RTCB: variants seen among roughly 807,000 people sequenced by gnomAD.
RTCB encodes the protein RNA-splicing ligase RTCB.
In RTCB, 32 loss-of-function variants were observed where a neutral mutation model predicts 58.2. The ratio of observed to expected loss-of-function variants is 0.55; its 90% CI spans 0.41 to 0.74. The LOEUF is 0.74. Among genes scored for constraint, RTCB ranks in the 30% least tolerant of loss-of-function variants. The pLI, the probability that RTCB is intolerant of heterozygous loss-of-function variation, is 0.00. For synonymous variants in RTCB, 247 were observed against 218.6 expected (o/e 1.13, Z -1.15); for missense variants, 523 against 639.0 (o/e 0.82, Z 1.96).
intron 1 of RTCB, 67 bp downstream of exon 1, chr22:32,411,997 C>T: frequency 2.4e-6 from 3 of 1,237,414 alleles, no homozygotes; most frequent in Non-Finnish European, 3.5e-6. Context: ...GTCCAGAGGG[C>T]GCAGTGGACG....
chr22:32,399,459 A>G, intron 6 of RTCB, 144 bp downstream of exon 6: 1 of 790,134 alleles, frequency 1.3e-6, no homozygotes, highest in South Asian at 2.0e-5. Flanking sequence ...AATAAAAATG[A>G]AGCATAAACA....
At chr22:32,391,054 G>T (rs1327738496) in intron 11 of RTCB, among the ~76,000 whole-genome samples, 1 of 151,948 alleles carries the variant, frequency 6.6e-6, no homozygotes, top group Non-Finnish European at 1.5e-5. Context: ...TTCCTGCATT[G>T]GCCTCCCAAA....
chr22:32,408,051 T>C (rs1933457668), intron 3 of RTCB, 124 bp downstream of exon 3: 3 of 862,220 alleles, frequency 3.5e-6, no homozygotes, highest in Non-Finnish European at 5.5e-6. Context: ...TGAGCCTGGC[T>C]TCATGGTTAT....
intron 1 of RTCB, among the ~76,000 whole-genome samples, chr22:32,410,395 T>G (rs1240417834): frequency 2.0e-5 from 3 of 152,186 alleles, no homozygotes; most frequent in African/African-American, 7.2e-5. Context: ...CATGTGGGTC[T>G]TGGGGGAGAA....
rs1483521225 is a variant in RTCB at position 32,406,717 on chromosome 22, A to G, written c.285T>C (p.Ala95=). ...TATCAAAGGCTGCCATGTTCCCAATAGCAAACCCATATCCTGAATGGACAT... is the reference window on the plus strand; with the variant it reads ...TATCAAAGGCTGCCATGTTCCCAATGGCAAACCCATATCCTGAATGGACAT... The part of the protein sequence containing the change: ...LPDVHSGYGF[A]IGNMAAFDMN... Residue 95 remains alanine, a synonymous_variant, in exon 4 of 12, where the codon GCT becomes GCC. Transcript: ENST00000216038. 3.7e-6 allele frequency: 6 copies of G among 1,613,002 alleles called. No individual in the cohort carries two copies. Among genetic ancestry groups the G allele is most frequent in the Non-Finnish European group, 5.1e-6 (6 of 1,179,120 alleles).
At chr22:32,404,252 G>A (rs1682207713) in intron 4 of RTCB, among the ~76,000 whole-genome samples, 1 of 152,088 alleles carries the variant, frequency 6.6e-6, no homozygotes, top group South Asian at 2.1e-4. Context: ...TACCATAATG[G>A]CTGTGCCAAT....
At chr22:32,397,620 T>C (rs910087979) in intron 7 of RTCB, among the ~76,000 whole-genome samples, 1 of 152,216 alleles carries the variant, frequency 6.6e-6, no homozygotes, top group Non-Finnish European at 1.5e-5. Context: ...TCTTTACACA[T>C]TTCTTGCTCT....
intron 9 of RTCB, 111 bp from the exon 10 acceptor site, chr22:32,394,113 T>TA: frequency 6.2e-6 from 4 of 640,484 alleles, no homozygotes; most frequent in Non-Finnish European, 7.8e-6. Flanking sequence ...AACCCAGACT[T>TA]CTTTTTTTTT....
At position 32,408,345 on chromosome 22, in the gene RTCB, G is replaced by A. The variant is rs1933463267; in HGVS notation, c.173-103C>T. ...TATAACGTGAAGAGGTAGTCATTAG[G>A]GCTACTAAGACAACAAAGCCTAGAA... On this transcript the variant is annotated intron_variant, in intron 2 of 11. Transcript: ENST00000216038. 4 of 898,878 alleles carry A rather than the reference G, an allele frequency of 4.4e-6. No individual in the cohort carries two copies. In the East Asian group the frequency reaches 7.8e-5, roughly 18 times the overall value. 55.7% of individuals were successfully genotyped at this position (898,878 alleles called of 1,614,324 possible).
intron 11 of RTCB, 26 bp from the exon 12 acceptor site, chr22:32,388,125 T>C: frequency 7.0e-7 from 1 of 1,425,996 alleles, no homozygotes; most frequent in South Asian, 1.2e-5. Flanking sequence ...TTAAACATTG[T>C]ACAAGTCCAC....
At chr22:32,406,928 A>G (rs969561309) in intron 3 of RTCB, among the ~76,000 whole-genome samples, 167 bp from the exon 4 acceptor site, 1 of 152,192 alleles carries the variant, frequency 6.6e-6, no homozygotes, top group Non-Finnish European at 1.5e-5. Flanking sequence ...AAGAACTCCT[A>G]ATCACAAAGC....
At chr22:32,404,470 G>T (rs891309115) in intron 4 of RTCB, among the ~76,000 whole-genome samples, 2 of 152,146 alleles carry the variant, frequency 1.3e-5, no homozygotes, top group African/African-American at 4.8e-5. Context: ...GCAGCGGTGT[G>T]ATCATAGCTC....
At chr22:32,409,371 A>C (rs911666810) in intron 1 of RTCB, among the ~76,000 whole-genome samples, 2 of 152,156 alleles carry the variant, frequency 1.3e-5, no homozygotes, top group South Asian at 4.1e-4. Context: ...AAAATTTAAC[A>C]TGCAGCTACG....
rs546166470 is a variant in RTCB, at chr22:32,403,203, G to A, written c.341-1300C>T. On this transcript the variant is annotated intron_variant, in intron 4 of 11. Coordinates refer to ENST00000216038, the MANE Select transcript of RTCB (RefSeq NM_014306.5). Reference sequence around the variant, plus strand: ...GGGCGGATCATGAGGTCAGGAGATCGAGAACATCCTGGCTAACGCAGTGAA... The same window carrying A: ...GGGCGGATCATGAGGTCAGGAGATCAAGAACATCCTGGCTAACGCAGTGAA... Among the ~76,000 whole-genome samples the A allele has an allele frequency of 1.7e-4, 26 of 152,154 alleles. 1 individual carries two copies. In the South Asian group the frequency reaches 3.1e-3, roughly 18 times the overall value.
chr22:32,391,883 C>T (rs772902422), intron 11 of RTCB, among the ~76,000 whole-genome samples: 9 of 152,066 alleles, frequency 5.9e-5, no homozygotes, highest in Admixed American at 1.3e-4. Context: ...AAACTTTCTC[C>T]AAACATTTAT....
chr22:32,412,108 T>TA lies in RTCB; in HGVS notation c.48dup (p.Lys17Ter). On this transcript the variant is annotated frameshift_variant, in exon 1 of 12. Transcript: ENST00000216038. LOFTEE classifies it high-confidence loss of function. ...CCCTTCTTGATCCTCCAGCAGTTTT[T>TA]ATTGATCTTCTCCAAGAACTGCAGC... is the stretch of plus-strand genomic sequence containing the variant. The TA allele has an allele frequency of 6.2e-7, 1 of 1,609,746 alleles. No individual in the cohort carries two copies. The highest frequency in any genetic ancestry group is 8.5e-7 in the Non-Finnish European group (1 of 1,178,886).
chr22:32,391,719 G>T (rs75971229), intron 11 of RTCB, among the ~76,000 whole-genome samples: 1,696 of 152,224 alleles, frequency 0.011, 10 homozygotes, highest in East Asian at 0.017. Context: ...AAAAGATAAG[G>T]TAATAACTGT....
At chr22:32,410,566 T>C (rs920288003) in intron 1 of RTCB, among the ~76,000 whole-genome samples, 1 of 152,134 alleles carries the variant, frequency 6.6e-6, no homozygotes, top group Non-Finnish European at 1.5e-5. Flanking sequence ...GTATACAAAC[T>C]TAAACCAGAA....
At chr22:32,402,500 A>AGT (rs762505282) in intron 4 of RTCB, among the ~76,000 whole-genome samples, 17 of 152,302 alleles carry the variant, frequency 1.1e-4, no homozygotes, top group Admixed American at 2.0e-4. Context: ...CCCAGGCTGG[A>AGT]GTACAGTGGG....
Sources: allele counts gnomAD v4.1 joint callset (sites outside exome capture counted in the v4.1 genomes callset), GRCh38; gene constraint gnomAD v4.1.1; transcripts MANE v1.5; gene names NCBI Gene and HGNC (gene_info 2026-07-23, HGNC 2026-07-21).